Variants in LINGO2 observed in about 807,000 individuals in gnomAD.
The protein encoded by LINGO2 is leucine rich repeat and Ig domain containing 2.
A neutral mutation model predicts 30.6 loss-of-function variants in LINGO2; 14 were observed. The ratio of observed to expected loss-of-function variants is 0.46; its 90% CI spans 0.30 to 0.72. The LOEUF (loss-of-function observed/expected upper bound fraction) is 0.72, where lower values mean the gene tolerates loss of function less well. LINGO2 is among the 30% of genes least tolerant of loss of function. LINGO2 has a pLI of 0.07. For missense variants in LINGO2, 729 were observed against 751.7 expected, an observed-to-expected ratio of 0.97 and a Z score of 0.35; for synonymous variants, 317 against 288.5, an observed-to-expected ratio of 1.10 and a Z score of -1.00.
the LINGO2 span, among the ~76,000 whole-genome samples, chr9:28,862,465 A>T: frequency 2.0e-5 from 3 of 152,116 alleles, no homozygotes; most frequent in African/African-American, 7.2e-5. Flanking sequence ...ATATGTTGAA[A>T]AATAATATAC....
intron 2 of LINGO2, among the ~76,000 whole-genome samples, chr9:28,462,857 C>G (rs576209775): frequency 6.6e-6 from 1 of 151,898 alleles, no homozygotes; most frequent in African/African-American, 2.4e-5. Flanking sequence ...CTATTCTGAA[C>G]TAAAAATTGA....
intron 4 of LINGO2, among the ~76,000 whole-genome samples, chr9:28,195,457 TG>T (rs1407333868): frequency 1.3e-5 from 2 of 149,900 alleles, no homozygotes; most frequent in East Asian, 3.9e-4. Context: ...AATAGAAACA[TG>T]GGATATGGAG....
chr9:28,810,111 T>G, the LINGO2 span, among the ~76,000 whole-genome samples: 4 of 146,420 alleles, frequency 2.7e-5, no homozygotes, highest in African/African-American at 7.7e-5. Context: ...ACATTAATGT[T>G]CATCATTATC....
intron 3 of LINGO2, among the ~76,000 whole-genome samples, chr9:28,315,823 C>A (rs1824823624): frequency 6.6e-6 from 1 of 152,112 alleles, no homozygotes; most frequent in South Asian, 2.1e-4. Flanking sequence ...GGAGTAAAAA[C>A]TATGAATATG....
At chr9:27,975,053 G>A (rs1820532123) in intron 5 of LINGO2, among the ~76,000 whole-genome samples, 1 of 152,032 alleles carries the variant, frequency 6.6e-6, no homozygotes, top group Non-Finnish European at 1.5e-5. Flanking sequence ...TGCATCCTAG[G>A]AATATCAGAG....
the LINGO2 span, among the ~76,000 whole-genome samples, chr9:28,992,181 C>G: frequency 6.6e-6 from 1 of 151,134 alleles, no homozygotes; most frequent in East Asian, 2.0e-4. Flanking sequence ...ATCTACCAAG[C>G]AAATGGAAAA....
the LINGO2 span, among the ~76,000 whole-genome samples, chr9:28,982,977 G>T: frequency 6.6e-6 from 1 of 151,192 alleles, no homozygotes. Flanking sequence ...TCATTTGGTT[G>T]TTTTTTTAAT....
the LINGO2 span, among the ~76,000 whole-genome samples, chr9:28,713,042 T>C: frequency 0.024 from 3,615 of 152,032 alleles, 145 homozygotes; most frequent in African/African-American, 0.08. Context: ...ATTTTTGTAT[T>C]TTTAGTAGAA....
At position 27,948,628 on chromosome 9, in the gene LINGO2, C is replaced by T. The variant is rs146056218; in HGVS notation, c.*223G>A. On this transcript the variant is annotated 3_prime_UTR_variant, in exon 6 of 6. Transcript: ENST00000379992. ...ATCCCCAGAACGCCAATATTTGCAA[C>T]GCAAACACTTAGTATCCCACTGTGT... 191 of 488,974 alleles carry T rather than the reference C, an allele frequency of 3.9e-4. 1 individual carries two copies. Among genetic ancestry groups the T allele is most frequent in the South Asian group, 7.3e-4 (17 of 23,406 alleles). The allele number at this position is 488,974 out of a possible 1,614,324, so 30.3% of individuals were successfully genotyped here.
chr9:28,559,664 C>A (rs1822935432), intron 1 of LINGO2, among the ~76,000 whole-genome samples: 1 of 152,054 alleles, frequency 6.6e-6, no homozygotes, highest in Admixed American at 6.6e-5. Context: ...AATCAAAATT[C>A]TCTTTTTTTC....
the LINGO2 span, among the ~76,000 whole-genome samples, chr9:28,839,575 A>G: frequency 6.6e-6 from 1 of 152,048 alleles, no homozygotes; most frequent in Non-Finnish European, 1.5e-5. Flanking sequence ...GGAGACCCAC[A>G]ATGGGTAGCT....
At position 28,572,709 on chromosome 9, in the gene LINGO2, G is replaced by A. The variant is rs369643106; in HGVS notation, c.-364-96684C>T. Among the ~76,000 whole-genome samples, 3 of 152,168 alleles carry A rather than the reference G, an allele frequency of 2.0e-5. No homozygotes were observed. The East Asian group carries it at 5.8e-4, about 29-fold the overall frequency. On this transcript the variant is annotated intron_variant, in intron 1 of 5. Coordinates refer to ENST00000379992, the Ensembl canonical transcript of LINGO2. Reference sequence around the variant, plus strand: ...TTCATTCATCCTTTTATGTGAAGGGGTCTGACAGTGACTTTAGTCCAACAG... The same window carrying A: ...TTCATTCATCCTTTTATGTGAAGGGATCTGACAGTGACTTTAGTCCAACAG...
At chr9:28,876,052 G>C in the LINGO2 span, among the ~76,000 whole-genome samples, 2 of 151,974 alleles carry the variant, frequency 1.3e-5, no homozygotes, top group Non-Finnish European at 2.9e-5. Context: ...TTCACTCCGA[G>C]TATTTTTTAA....
At chr9:28,606,140 G>C (rs1825684343) in intron 1 of LINGO2, among the ~76,000 whole-genome samples, 1 of 151,828 alleles carries the variant, frequency 6.6e-6, no homozygotes, top group Non-Finnish European at 1.5e-5. Flanking sequence ...TAAAATAGTG[G>C]GTCTGAGAAG....
the LINGO2 span, among the ~76,000 whole-genome samples, chr9:28,897,253 G>A: frequency 6.6e-6 from 1 of 152,134 alleles, no homozygotes; most frequent in Admixed American, 6.6e-5. Flanking sequence ...AGAGGCTAAA[G>A]GAGATTAGAG....
chr9:28,284,374 C>T (rs537804830), intron 4 of LINGO2, among the ~76,000 whole-genome samples: 2 of 152,122 alleles, frequency 1.3e-5, no homozygotes, highest in Non-Finnish European at 1.5e-5. Flanking sequence ...AAGACTGGAC[C>T]AACCCAAAAC....
the LINGO2 span, among the ~76,000 whole-genome samples, chr9:28,834,404 C>T: frequency 1.3e-5 from 2 of 152,234 alleles, no homozygotes; most frequent in South Asian, 4.2e-4. Context: ...TTCAATGTTG[C>T]TATGTATCTA....
chr9:28,477,759 A>T (rs1380108705), intron 1 of LINGO2, among the ~76,000 whole-genome samples: 5 of 152,186 alleles, frequency 3.3e-5, no homozygotes. Flanking sequence ...AATTGCTCAC[A>T]TAATTCATAG....
At chr9:28,405,713 A>G (rs567450111) in intron 2 of LINGO2, among the ~76,000 whole-genome samples, 1 of 152,330 alleles carries the variant, frequency 6.6e-6, no homozygotes, top group Non-Finnish European at 1.5e-5. Flanking sequence ...TTTTTAGAAT[A>G]AGACAAACTT....
Sources: gnomAD v4.1 joint callset for allele counts (sites outside exome capture counted in the v4.1 genomes callset) on GRCh38, gnomAD v4.1.1 for gene constraint, MANE v1.5 for transcripts, NCBI Gene and HGNC (gene_info 2026-07-23, HGNC 2026-07-21) for gene names.